Variants in TRIM55 observed in about 807,000 individuals in gnomAD.
TRIM55 encodes the protein tripartite motif-containing protein 55.
Under a neutral mutation model 60.9 loss-of-function variants are expected in TRIM55, and 50 were observed. The ratio of observed to expected loss-of-function variants is 0.82; its 90% CI spans 0.65 to 1.04. The LOEUF (loss-of-function observed/expected upper bound fraction) is 1.04, where lower values mean the gene tolerates loss of function less well. TRIM55 is among the 50% of genes least tolerant of loss of function. The probability of loss-of-function intolerance (pLI) is 0.00; values close to 1 mark genes in which losing one functional copy is unlikely to be tolerated. For synonymous variants in TRIM55, 237 were observed against 238.1 expected, an observed-to-expected ratio of 1.00 and a Z score of 0.04; for missense variants, 681 against 666.9, an observed-to-expected ratio of 1.02 and a Z score of -0.23.
intron 9 of TRIM55, among the ~76,000 whole-genome samples, chr8:66,166,642 G>A (rs543646867): frequency 1.6e-4 from 24 of 152,254 alleles, no homozygotes; most frequent in South Asian, 8.3e-4. Flanking sequence ...GGATTCTCTC[G>A]TTTAAACCTC....
intron 9 of TRIM55, among the ~76,000 whole-genome samples, chr8:66,173,223 T>C (rs1811741988): frequency 6.6e-6 from 1 of 152,228 alleles, no homozygotes. Context: ...CTGTGGCTAA[T>C]ATGATTTCAT....
intron 9 of TRIM55, among the ~76,000 whole-genome samples, chr8:66,159,723 T>A (rs999386810): frequency 6.6e-6 from 1 of 152,228 alleles, no homozygotes; most frequent in African/African-American, 2.4e-5. Context: ...TCTTTCATAT[T>A]TCAGCTATTC....
At chr8:66,128,228 CAG>C in intron 1 of TRIM55, 74 bp from the exon 2 acceptor site, 2 of 1,338,034 alleles carry the variant, frequency 1.5e-6, no homozygotes, top group Non-Finnish European at 1.0e-6. Flanking sequence ...TTTGTAGTAG[CAG>C]AGAGTGAAAA....
the TRIM55 span, among the ~76,000 whole-genome samples, chr8:66,120,972 T>C: frequency 1.3e-5 from 2 of 152,182 alleles, no homozygotes; most frequent in Non-Finnish European, 2.9e-5. Flanking sequence ...CTTGTGAAAT[T>C]TGGCCTAACT....
the TRIM55 span, among the ~76,000 whole-genome samples, chr8:66,117,892 C>A: frequency 2.0e-5 from 3 of 151,860 alleles, no homozygotes; most frequent in East Asian, 5.8e-4. Context: ...GGAGGCCGGG[C>A]ACGGTGGCTC....
chr8:66,165,346 A>G (rs1054246063), intron 9 of TRIM55, among the ~76,000 whole-genome samples: 1 of 152,116 alleles, frequency 6.6e-6, no homozygotes, highest in Non-Finnish European at 1.5e-5. Context: ...AGAGACTGAG[A>G]GGTGAGAGAT....
rs1810621643 is a variant in TRIM55, at chr8:66,154,360, T to C, written c.1524+26T>C. On this transcript the variant is annotated intron_variant, in intron 9 of 9. Transcript: ENST00000315962. The stretch of plus-strand genomic sequence containing the variant: ...GTTAGTGATGATGCACTTGTGTCTA[T>C]GCTTTCCCGCGCCCCCTAGGGTCCC... 2.5e-6 allele frequency: 4 copies of C among 1,607,502 alleles called. No individual in the cohort carries two copies. The East Asian group carries it at 8.9e-5, about 36-fold the overall frequency.
At chr8:66,133,400 A>C (rs1301146921) in intron 2 of TRIM55, among the ~76,000 whole-genome samples, 1 of 151,288 alleles carries the variant, frequency 6.6e-6, no homozygotes, top group African/African-American at 2.4e-5. Context: ...GATGCAGCAA[A>C]AAAAAAAAAA....
chr8:66,119,369 C>A, the TRIM55 span, among the ~76,000 whole-genome samples: 1 of 152,136 alleles, frequency 6.6e-6, no homozygotes, highest in Admixed American at 6.6e-5. Flanking sequence ...TTTTTATTTC[C>A]TTTTAGCTGT....
At chr8:66,132,739 G>A (rs1382714827) in intron 2 of TRIM55, among the ~76,000 whole-genome samples, 2 of 152,180 alleles carry the variant, frequency 1.3e-5, no homozygotes, top group African/African-American at 2.4e-5. Context: ...CATGTTTGAA[G>A]TTGTACAGAG....
chr8:66,114,085 C>CG, the TRIM55 span, among the ~76,000 whole-genome samples: 1 of 127,560 alleles, frequency 7.8e-6, no homozygotes, highest in East Asian at 2.9e-4. Context: ...GAGAGACACC[C>CG]CCCCCCCCAT....
Position 66,162,560 on chromosome 8 carries a change from TTC to T in TRIM55, c.1524+8234_1524+8235del, listed in dbSNP as rs1247743889. Among the ~76,000 whole-genome samples, 7 of 152,214 alleles carry T rather than the reference TTC, an allele frequency of 4.6e-5. No individual in the cohort carries two copies. In the South Asian group the frequency reaches 1.5e-3, roughly 32 times the overall value. Reference sequence around the variant, plus strand: ...GAATGATTTAAGGAGGATTCCCTTTTTCTCTCTCTTTTGGAGTAGGGTCAATA... The same window carrying T: ...GAATGATTTAAGGAGGATTCCCTTTTTCTCTCTTTTGGAGTAGGGTCAATA... On this transcript the variant is annotated intron_variant, in intron 9 of 9. Coordinates refer to ENST00000315962, the MANE Select transcript of TRIM55 (RefSeq NM_184085.2).
chr8:66,152,742 C>A, intron 8 of TRIM55, 115 bp downstream of exon 8: 1 of 1,361,854 alleles, frequency 7.3e-7, no homozygotes, highest in Non-Finnish European at 9.8e-7. Context: ...GCCAGACATT[C>A]GTATATGGTA....
the TRIM55 span, chr8:66,113,567 C>G: frequency 7.1e-4 from 326 of 456,314 alleles, 1 homozygote; most frequent in African/African-American, 6.0e-3. Flanking sequence ...CTAGCGCTTT[C>G]TCCCCATTTT....
At chr8:66,114,231 G>T in the TRIM55 span, among the ~76,000 whole-genome samples, 1 of 152,170 alleles carries the variant, frequency 6.6e-6, no homozygotes, top group African/African-American at 2.4e-5. Context: ...TAGCATGCGA[G>T]AGGTAGCGGG....
intron 9 of TRIM55, among the ~76,000 whole-genome samples, chr8:66,164,139 A>C (rs527535792): frequency 6.6e-6 from 1 of 152,050 alleles, no homozygotes; most frequent in Non-Finnish European, 1.5e-5. Context: ...GGGGTGGGGC[A>C]CCTGGAGGGG....
intron 4 of TRIM55, among the ~76,000 whole-genome samples, chr8:66,147,339 C>T (rs1354488104): frequency 6.6e-6 from 1 of 152,158 alleles, no homozygotes; most frequent in Non-Finnish European, 1.5e-5. Context: ...TGGTTGGGAA[C>T]TGTGATGAGA....
At chr8:66,127,710 C>T (rs1176020332) in intron 1 of TRIM55, among the ~76,000 whole-genome samples, 1 of 151,956 alleles carries the variant, frequency 6.6e-6, no homozygotes, top group Non-Finnish European at 1.5e-5. Flanking sequence ...TGGCGGGCAC[C>T]TATAATCTCA....
chr8:66,170,490 G>A (rs1249114188), intron 9 of TRIM55, among the ~76,000 whole-genome samples: 1 of 152,078 alleles, frequency 6.6e-6, no homozygotes, highest in African/African-American at 2.4e-5. Context: ...ATGACATTTT[G>A]TTTATCTGCT....
Sources: allele counts gnomAD v4.1 joint callset (sites outside exome capture counted in the v4.1 genomes callset), GRCh38; gene constraint gnomAD v4.1.1; transcripts MANE v1.5; gene names NCBI Gene and HGNC (gene_info 2026-07-23, HGNC 2026-07-21).